Variants in ATP2B1 observed in about 807,000 individuals in gnomAD.
ATP2B1 encodes the protein ATPase plasma membrane Ca2+ transporting 1.
Under a neutral mutation model 124.2 loss-of-function variants are expected in ATP2B1, and 14 were observed. That is an observed-to-expected ratio of 0.11 (90% CI 0.07 to 0.18). ATP2B1 has a LOEUF of 0.18. Among genes scored for constraint, ATP2B1 ranks in the 10% least tolerant of loss-of-function variants. The probability of loss-of-function intolerance (pLI) is 1.00; values close to 1 mark genes in which losing one functional copy is unlikely to be tolerated. For synonymous variants in ATP2B1, 449 were observed against 492.4 expected (o/e 0.91, Z 1.17); for missense variants, 763 against 1,466.1 (o/e 0.52, Z 7.83).
intron 7 of ATP2B1, among the ~76,000 whole-genome samples, 163 bp downstream of exon 7, chr12:89,627,515 C>T (rs963517956): frequency 3.9e-5 from 6 of 151,936 alleles, no homozygotes; most frequent in Non-Finnish European, 5.9e-5. Context: ...ATTGCAGTGA[C>T]GACATGACTA....
Position 89,622,506 on chromosome 12 carries a change from T to C in ATP2B1, c.1345-715A>G, listed in dbSNP as rs567155063. ...GTCTCACAGGGCATTTAAGTTAAAA[T>C]ACCTTATAATTAGTTCTCAGCACTT... On this transcript the variant is annotated intron_variant, in intron 9 of 20. Coordinates refer to ENST00000428670, the MANE Select transcript of ATP2B1 (RefSeq NM_001366521.1). Among the ~76,000 whole-genome samples the C allele has an allele frequency of 1.4e-3, 216 of 152,200 alleles. 1 individual carries two copies. Among genetic ancestry groups the C allele is most frequent in the African/African-American group, 4.7e-3 (195 of 41,566 alleles).
At chr12:89,606,132 C>T (rs1876813757) in intron 15 of ATP2B1, among the ~76,000 whole-genome samples, 1 of 152,022 alleles carries the variant, frequency 6.6e-6, no homozygotes, top group South Asian at 2.1e-4. Context: ...GAATATTGAT[C>T]AAATCTAAAT....
chr12:89,596,720 C>G (rs1160776294), intron 20 of ATP2B1, among the ~76,000 whole-genome samples: 1 of 152,012 alleles, frequency 6.6e-6, no homozygotes, highest in Admixed American at 6.6e-5. Context: ...AATTTTTCAA[C>G]TTGTCTGTAG....
chr12:89,659,858 G>A (rs1164647213), intron 1 of ATP2B1, among the ~76,000 whole-genome samples: 1 of 150,206 alleles, frequency 6.7e-6, no homozygotes, highest in Admixed American at 6.7e-5. Context: ...AGGAGGCAGA[G>A]CTTGCAGTGA....
intron 1 of ATP2B1, among the ~76,000 whole-genome samples, chr12:89,674,397 G>T (rs538832961): frequency 6.6e-6 from 1 of 151,682 alleles, no homozygotes; most frequent in African/African-American, 2.4e-5. Context: ...ATAAGGATGG[G>T]TAAATGGGAA....
At chr12:89,610,087 T>C (rs1350703213) in intron 14 of ATP2B1, 44 bp from the exon 15 acceptor site, 1 of 1,505,776 alleles carries the variant, frequency 6.6e-7, no homozygotes, top group Non-Finnish European at 9.2e-7. Flanking sequence ...CATTACTCTT[T>C]AATAAGATGA....
chr12:89,695,308 G>A (rs1267054540), intron 1 of ATP2B1, among the ~76,000 whole-genome samples: 1 of 151,938 alleles, frequency 6.6e-6, no homozygotes, highest in Non-Finnish European at 1.5e-5. Context: ...AAACCAAGAA[G>A]GAACACCAGA....
intron 2 of ATP2B1, among the ~76,000 whole-genome samples, chr12:89,643,036 A>G (rs546208155): frequency 1.3e-5 from 2 of 151,150 alleles, no homozygotes; most frequent in Admixed American, 6.6e-5. Flanking sequence ...TGCCCCCACA[A>G]AACTGGGAAG....
intron 1 of ATP2B1, among the ~76,000 whole-genome samples, chr12:89,696,825 T>G (rs1318946867): frequency 3.9e-5 from 6 of 152,114 alleles, no homozygotes; most frequent in Non-Finnish European, 7.4e-5. Flanking sequence ...CTCATTTAAA[T>G]GGGTTAATAT....
Position 89,624,228 on chromosome 12 carries a change from T to C in ATP2B1, c.1299A>G (p.Glu433=). 1 of 1,614,202 alleles carries C rather than the reference T, an allele frequency of 6.2e-7. No homozygotes were observed. Among genetic ancestry groups the C allele is most frequent in the African/African-American group, 1.3e-5 (1 of 75,064 alleles). ...GVTVLVVAVP[E]GLPLAVTISL... ...AGATCGTGACTGCAAGTGGAAGACCTTCTGGCACTGCGACCACTAAAACTG... is the reference window on the plus strand; with the variant it reads ...AGATCGTGACTGCAAGTGGAAGACCCTCTGGCACTGCGACCACTAAAACTG... The change falls in exon 9 of 21, where the codon GAA becomes GAG. Residue 433 remains glutamate, a synonymous_variant. Transcript: ENST00000428670.
intron 2 of ATP2B1, among the ~76,000 whole-genome samples, chr12:89,648,809 A>G (rs779226093): frequency 4.6e-5 from 7 of 152,372 alleles, no homozygotes; most frequent in Non-Finnish European, 7.3e-5. Flanking sequence ...TTCAAGGGCT[A>G]GGCCCAGGGT....
At chr12:89,682,724 A>G (rs1248677235) in intron 1 of ATP2B1, among the ~76,000 whole-genome samples, 1 of 152,210 alleles carries the variant, frequency 6.6e-6, no homozygotes, top group East Asian at 1.9e-4. Context: ...GAACAAAGCA[A>G]TGAAACTACA....
intron 1 of ATP2B1, among the ~76,000 whole-genome samples, chr12:89,674,075 T>C (rs1336754125): frequency 1.3e-5 from 2 of 152,192 alleles, no homozygotes; most frequent in African/African-American, 4.8e-5. Flanking sequence ...CATATAGTAT[T>C]TCCTCATTCA....
chr12:89,627,746 T>C, intron 6 of ATP2B1, 30 bp from the exon 7 acceptor site: 1 of 1,609,250 alleles, frequency 6.2e-7, no homozygotes, highest in Non-Finnish European at 8.5e-7. Context: ...ATTAAAGCTT[T>C]CCAAAAGAAA....
chr12:89,619,714 G>A (rs1020676335), intron 11 of ATP2B1, among the ~76,000 whole-genome samples: 20 of 150,766 alleles, frequency 1.3e-4, no homozygotes, highest in Non-Finnish European at 1.5e-4. Context: ...CAAGTAAATC[G>A]ACTTCTAAAA....
intron 1 of ATP2B1, among the ~76,000 whole-genome samples, chr12:89,694,877 C>A (rs1890951556): frequency 6.6e-6 from 1 of 151,682 alleles, no homozygotes; most frequent in South Asian, 2.1e-4. Flanking sequence ...GGCAACATGG[C>A]GAAACCCTAT....
At chr12:89,705,460 A>G (rs1446886527) in intron 1 of ATP2B1, among the ~76,000 whole-genome samples, 2 of 152,168 alleles carry the variant, frequency 1.3e-5, no homozygotes, top group Admixed American at 6.5e-5. Flanking sequence ...GAAAACATCA[A>G]TTTTACTGTA....
intron 1 of ATP2B1, among the ~76,000 whole-genome samples, chr12:89,680,672 A>C (rs893392074): frequency 6.6e-6 from 1 of 152,152 alleles, no homozygotes; most frequent in African/African-American, 2.4e-5. Flanking sequence ...TAGTATTTAA[A>C]AACTATAATT....
intron 20 of ATP2B1, among the ~76,000 whole-genome samples, chr12:89,597,602 T>G (rs1357160228): frequency 1.3e-5 from 2 of 152,130 alleles, no homozygotes; most frequent in Non-Finnish European, 2.9e-5. Flanking sequence ...CTTCTCAAGG[T>G]TCCTCTAGTC....
Sources: allele counts gnomAD v4.1 joint callset (sites outside exome capture counted in the v4.1 genomes callset), GRCh38; gene constraint gnomAD v4.1.1; transcripts MANE v1.5; gene names NCBI Gene and HGNC (gene_info 2026-07-23, HGNC 2026-07-21).